Variants in KANK3 observed in about 807,000 individuals in gnomAD.
The protein encoded by KANK3 is KN motif and ankyrin repeat domains 3.
Under a neutral mutation model 65.4 loss-of-function variants are expected in KANK3, and 61 were observed. The observed-to-expected ratio is 0.93, with a 90% confidence interval of 0.76 to 1.15. The LOEUF is 1.15. KANK3 is among the 50% of genes most tolerant of loss of function. The probability of loss-of-function intolerance (pLI) is 0.00; values close to 1 mark genes in which losing one functional copy is unlikely to be tolerated. For missense variants in KANK3, 1,187 were observed against 1,178.8 expected, an observed-to-expected ratio of 1.01 and a Z score of -0.10; for synonymous variants, 586 against 543.3, an observed-to-expected ratio of 1.08 and a Z score of -1.09.
In KANK3 at chr19:8,333,706, C is replaced by T. The variant is rs1970571653; in HGVS notation, c.1719+18G>A. 2.1e-6 allele frequency: 3 copies of T among 1,442,046 alleles called. No individual in the cohort carries two copies. Among genetic ancestry groups the T allele is most frequent in the Middle Eastern group, 2.5e-4 (1 of 3,980 alleles). 89.3% of individuals were successfully genotyped at this position (1,442,046 alleles called of 1,614,324 possible). A position where few individuals can be genotyped will look rare whatever the true frequency, so the allele number is the denominator to read the frequency against. On this transcript the variant is annotated intron_variant, in intron 6 of 10. Transcript: ENST00000330915. This position sits in a 1 kb window ranked among gnomAD's most constrained non-coding sequence, Gnocchi z 5.0. ...GCTCCCACGCCACTCCCTGGTGCTG[C>T]GCTCCCGGGGCACTCACGCCGTCGC...
chr19:8,331,346 C>G lies in KANK3; in HGVS notation c.1936+1668G>C, dbSNP rs1242370381. Among the ~76,000 whole-genome samples, 6 of 152,000 alleles carry G rather than the reference C, an allele frequency of 3.9e-5. No individual in the cohort carries two copies. The South Asian group carries it at 1.2e-3, about 32-fold the overall frequency. On this transcript the variant is annotated intron_variant, in intron 7 of 10. Coordinates refer to ENST00000330915, the MANE Select transcript of KANK3 (RefSeq NM_198471.3). ...TAAGGCATGAGATGCCCAAAAAATT[C>G]ACTTAGATTCATTCACTGTCCCCTG...
Position 8,333,361 on chromosome 19 carries a change from C to T in KANK3, c.1720-131G>A, listed in dbSNP as rs1659815643. ...CAGGCAAGTAAGGAAGGTCACTCCT[C>T]GTCCAGGTGGGGAGCCATGCGAACC... is the stretch of plus-strand genomic sequence containing the variant. On this transcript the variant is annotated intron_variant, in intron 6 of 10. Coordinates refer to ENST00000330915, the MANE Select transcript of KANK3 (RefSeq NM_198471.3). This position sits in a 1 kb window ranked among gnomAD's most constrained non-coding sequence, Gnocchi z 5.0. 3 of 742,694 alleles carry T rather than the reference C, an allele frequency of 4.0e-6. No individual in the cohort carries two copies. The highest frequency in any genetic ancestry group is 6.5e-6 in the Non-Finnish European group (3 of 464,066). The allele number at this position is 742,694 out of a possible 1,614,324, so 46.0% of individuals were successfully genotyped here.
chr19:8,331,761 T>A (rs1970529207), intron 7 of KANK3, among the ~76,000 whole-genome samples: 1 of 152,004 alleles, frequency 6.6e-6, no homozygotes, highest in Non-Finnish European at 1.5e-5. Context: ...AGCTGGAGAT[T>A]CAGGGACAGA....
intron 1 of KANK3, 48 bp from the exon 2 acceptor site, chr19:8,337,904 G>T (rs1296933285): frequency 1.2e-6 from 2 of 1,604,614 alleles, no homozygotes; most frequent in Non-Finnish European, 1.7e-6. Context: ...TCTGGCTGGA[G>T]CCTCTGGGGC....
At position 8,334,827 on chromosome 19, in the gene KANK3, C is replaced by T. The variant is rs1308854157; in HGVS notation, c.1000G>A (p.Val334Met). Reference sequence around the variant, plus strand: ...TCGGTCACCCACGCGTCCGCCTCCACGGTCTCGGGGGCAGCCTCCACGCCG... The same window carrying T: ...TCGGTCACCCACGCGTCCGCCTCCATGGTCTCGGGGGCAGCCTCCACGCCG... The part of the protein sequence containing the change: ...EAGVEAAPET[V>M]EADAWVTEAL... The change falls in exon 3 of 11, where the codon GTG (valine) becomes ATG (methionine). Residue 334 changes from valine to methionine, a missense_variant. Physicochemically the swap from Val to Met is conservative, Grantham distance 21. Around this residue, in one of 3 missense-constraint regions of KANK3, gnomAD observed 1,078 missense variants for 1,038.2 expected, o/e 1.04. Transcript: ENST00000330915. 2.7e-6 allele frequency: 4 copies of T among 1,488,636 alleles called. No homozygotes were observed. The highest frequency in any genetic ancestry group is 2.3e-5 in the Admixed American group (1 of 44,312). The allele number at this position is 1,488,636 out of a possible 1,614,324, so 92.2% of individuals were successfully genotyped here. A position where few individuals can be genotyped will look rare whatever the true frequency, so the allele number is the denominator to read the frequency against.
intron 1 of KANK3, among the ~76,000 whole-genome samples, chr19:8,339,358 TTTG>T (rs1970692679): frequency 1.0e-5 from 1 of 97,588 alleles, no homozygotes; most frequent in South Asian, 2.6e-4. Flanking sequence ...CCTATCTCTT[TTTG>T]TTTTTTTTTT....
At chr19:8,332,318 C>G (rs574005243) in intron 7 of KANK3, among the ~76,000 whole-genome samples, 2 of 151,964 alleles carry the variant, frequency 1.3e-5, no homozygotes, top group Non-Finnish European at 2.9e-5. Context: ...GCTGGAATTA[C>G]AGGCATGTAC....
At chr19:8,326,654 G>A (rs1199862447) in intron 7 of KANK3, among the ~76,000 whole-genome samples, 6 of 149,140 alleles carry the variant, frequency 4.0e-5, no homozygotes, top group Middle Eastern at 3.2e-3. Flanking sequence ...AAAATTAGTC[G>A]GGTGTGGTGG....
rs1009290035 is a variant in KANK3 at position 8,334,647 on chromosome 19, G to A, written c.1180C>T (p.Arg394Trp). The A allele has an allele frequency of 3.3e-6, 5 of 1,533,836 alleles. No homozygotes were observed. In the African/African-American group the frequency reaches 6.9e-5, roughly 21 times the overall value. ...EAAEEAAAGA[R>W]AQLREATTQT... is the part of the protein sequence containing the mutation. The stretch of plus-strand genomic sequence containing the variant: ...GTGGTGGCCTCGCGTAGCTGGGCCC[G>A]GGCCCCCGCCGCTGCCTCCTCCGCA... The change falls in exon 3 of 11, where the codon CGG (arginine) becomes TGG (tryptophan). Residue 394 changes from arginine to tryptophan, a missense_variant. By Grantham distance (101) the Arg-to-Trp change is moderately radical (BLOSUM62 -3). Coordinates refer to ENST00000330915, the MANE Select transcript of KANK3 (RefSeq NM_198471.3).
rs1970570959 is a variant in KANK3 at position 8,333,684 on chromosome 19, C to T, written c.1719+40G>A. The T allele has an allele frequency of 7.1e-7, 1 of 1,417,838 alleles. No individual in the cohort carries two copies. Among genetic ancestry groups the T allele is most frequent in the Non-Finnish European group, 9.2e-7 (1 of 1,083,156 alleles). The allele number at this position is 1,417,838 out of a possible 1,614,324, so 87.8% of individuals were successfully genotyped here. On this transcript the variant is annotated intron_variant, in intron 6 of 10. Coordinates refer to ENST00000330915, the MANE Select transcript of KANK3 (RefSeq NM_198471.3). This position sits in a 1 kb window ranked among gnomAD's most constrained non-coding sequence, Gnocchi z 5.0. ...TGGGCGTCAGAGGTCCTTGGAGGCT[C>T]CCACGCCACTCCCTGGTGCTGCGCT... is the stretch of plus-strand genomic sequence containing the variant.
intron 1 of KANK3, among the ~76,000 whole-genome samples, chr19:8,342,311 A>G (rs1438606057): frequency 2.0e-5 from 3 of 152,108 alleles, no homozygotes; most frequent in Admixed American, 6.6e-5. Context: ...TGTCCCTCCC[A>G]GCCTACACCT....
chr19:8,323,115 G>C (rs1456750754), intron 10 of KANK3, 193 bp from the exon 11 acceptor site: 3 of 448,318 alleles, frequency 6.7e-6, no homozygotes, highest in African/African-American at 6.1e-5. Flanking sequence ...AGTGGGGTGA[G>C]TACAGGTGTT....
Position 8,333,903 on chromosome 19 carries a change from CG to C in KANK3, c.1634+6del. 1 of 1,577,418 alleles carries C rather than the reference CG, an allele frequency of 6.3e-7. No homozygotes were observed. Among genetic ancestry groups the C allele is most frequent in the Non-Finnish European group, 8.6e-7 (1 of 1,164,300 alleles). On this transcript the variant is annotated splice_donor_region_variant and intron_variant, in intron 5 of 10. Transcript: ENST00000330915. This position sits in a 1 kb window ranked among gnomAD's most constrained non-coding sequence, Gnocchi z 5.0. ...TCCTCTCCAAACAACTAGCGAGCGCCGCTCACCTCCCCTGTGCCACCTGCTG... is the reference window on the plus strand; with the variant it reads ...TCCTCTCCAAACAACTAGCGAGCGCCCTCACCTCCCCTGTGCCACCTGCTG...
chr19:8,326,058 A>T (rs1469274028), intron 7 of KANK3, among the ~76,000 whole-genome samples: 1 of 151,974 alleles, frequency 6.6e-6, no homozygotes, highest in Non-Finnish European at 1.5e-5. Flanking sequence ...CTCCGACCTC[A>T]TGATTCGCTT....
chr19:8,331,022 G>A (rs551582362), intron 7 of KANK3, among the ~76,000 whole-genome samples: 7 of 150,354 alleles, frequency 4.7e-5, no homozygotes, highest in South Asian at 2.1e-4. Context: ...TTGAAACCCC[G>A]TCTTTACTAA....
At chr19:8,325,522 C>T (rs545571126) in intron 7 of KANK3, among the ~76,000 whole-genome samples, 2 of 151,624 alleles carry the variant, frequency 1.3e-5, no homozygotes, top group Admixed American at 1.3e-4. Flanking sequence ...ATCCACCCAC[C>T]GTAGCCTCCC....
chr19:8,332,117 C>T (rs1470053012), intron 7 of KANK3, among the ~76,000 whole-genome samples: 1 of 150,246 alleles, frequency 6.7e-6, no homozygotes, highest in East Asian at 2.0e-4. Flanking sequence ...CCTCAGCCTC[C>T]CGAATAGCTG....
Position 8,335,214 on chromosome 19 carries a change from G to T in KANK3, c.613C>A (p.Arg205=), listed in dbSNP as rs1394063307. The T allele has an allele frequency of 3.3e-6, 4 of 1,219,582 alleles. No individual in the cohort carries two copies. Among genetic ancestry groups the T allele is most frequent in the Non-Finnish European group, 1.0e-6 (1 of 979,490 alleles). The allele number at this position is 1,219,582 out of a possible 1,614,324, so 75.5% of individuals were successfully genotyped here. A position where few individuals can be genotyped will look rare whatever the true frequency, so the allele number is the denominator to read the frequency against. Residue 205 remains arginine (R), a synonymous_variant, in exon 3 of 11, where the codon CGA becomes AGA. Coordinates refer to ENST00000330915, the MANE Select transcript of KANK3 (RefSeq NM_198471.3). ...TGCTCCTGCAGCTCGGGCAGCGTTC[G>T]CGCCTGGTCCTCGAGCTCGCGCAGG... ...RRLRELEDQA[R]TLPELQEQVR...
rs758979851 is a variant in KANK3, at chr19:8,335,467, C to T, written c.360G>A (p.Ser120=). 3.2e-6 allele frequency: 4 copies of T among 1,233,370 alleles called. No individual in the cohort carries two copies. In the African/African-American group the frequency reaches 4.7e-5, roughly 14 times the overall value. 76.4% of individuals were successfully genotyped at this position (1,233,370 alleles called of 1,614,324 possible). A position where few individuals can be genotyped will look rare whatever the true frequency, so the allele number is the denominator to read the frequency against. Residue 120 remains serine, a synonymous_variant, in exon 3 of 11, where the codon TCG becomes TCA. Coordinates refer to ENST00000330915, the MANE Select transcript of KANK3 (RefSeq NM_198471.3). ...GCGGGTTGCGCACGGGCGCGCGCGGCGACAGCGGCTGCATCAGGAGCCCCG... is the reference window on the plus strand; with the variant it reads ...GCGGGTTGCGCACGGGCGCGCGCGGTGACAGCGGCTGCATCAGGAGCCCCG... ...APSGLLMQPL[S]PRAPVRNPRV...
Sources: gnomAD v4.1 joint callset for allele counts (sites outside exome capture counted in the v4.1 genomes callset) on GRCh38, gnomAD v4.1.1 for gene constraint, gnomAD v4.1.1 regional missense constraint, Gnocchi (gnomAD v3.1) non-coding constraint, MANE v1.5 for transcripts, NCBI Gene and HGNC (gene_info 2026-07-23, HGNC 2026-07-21) for gene names.